FNTA: variants seen among roughly 807,000 people sequenced by gnomAD.
The protein encoded by FNTA is farnesyltransferase, CAAX box, subunit alpha.
In FNTA, 27 loss-of-function variants were observed where a neutral mutation model predicts 55.2. The observed-to-expected ratio is 0.49, with a 90% CI of 0.36 to 0.67. The LOEUF (loss-of-function observed/expected upper bound fraction) is 0.67. Ranked by LOEUF, FNTA falls within the 30% of genes least tolerant of loss-of-function variation. The pLI is 0.00. For synonymous variants in FNTA, 176 were observed against 170.7 expected (o/e 1.03, Z -0.24); for missense variants, 422 against 464.7 (o/e 0.91, Z 0.85).
At chr8:43,068,674 G>T (rs1452781231) in intron 3 of FNTA, among the ~76,000 whole-genome samples, 4 of 152,130 alleles carry the variant, frequency 2.6e-5, no homozygotes, top group African/African-American at 7.2e-5. Flanking sequence ...TTAAGAATCA[G>T]AAATTTACTT....
At chr8:43,073,033 G>C (rs1264448090) in intron 5 of FNTA, among the ~76,000 whole-genome samples, 2 of 152,038 alleles carry the variant, frequency 1.3e-5, no homozygotes, top group African/African-American at 4.8e-5. Context: ...TAGAATAGTT[G>C]TAACTCCCAC....
intron 5 of FNTA, among the ~76,000 whole-genome samples, chr8:43,075,501 T>G (rs1459224492): frequency 6.6e-6 from 1 of 152,108 alleles, no homozygotes; most frequent in African/African-American, 2.4e-5. Flanking sequence ...TTTTTTTTAT[T>G]AAGAGAGCTT....
chr8:43,081,484 G>T (rs1374679133), intron 6 of FNTA: 1 of 152,182 alleles, frequency 6.6e-6, no homozygotes, highest in Non-Finnish European at 1.5e-5. Context: ...AGGTAATTCT[G>T]TAATTTGCCC....
At position 43,056,372 on chromosome 8, in the gene FNTA, A is replaced by G. The variant is rs1412028724; in HGVS notation, c.26A>G (p.Glu9Gly). The G allele has an allele frequency of 6.9e-6, 10 of 1,459,634 alleles. No individual in the cohort carries two copies. In the African/African-American group the frequency reaches 1.5e-4, roughly 22 times the overall value. 90.4% of individuals were successfully genotyped at this position (1,459,634 alleles called of 1,614,324 possible). A position where few individuals can be genotyped will look rare whatever the true frequency, so the allele number is the denominator to read the frequency against. MAATEGVG[E>G]AAQGGEPGQP... is the part of the protein sequence containing the mutation. The stretch of plus-strand genomic sequence containing the variant: ...ATGGCGGCCACCGAGGGGGTCGGGG[A>G]GGCTGCGCAAGGGGGCGAGCCCGGG... The change falls in exon 1 of 9, where the codon GAG (glutamate) becomes GGG (glycine). Residue 9 changes from glutamate to glycine, a missense_variant. Glu to Gly is a moderately conservative substitution (Grantham distance 98). This residue lies in a region of FNTA where 160 missense variants were observed against 121.6 expected (regional missense o/e 1.32). Transcript: ENST00000302279.
intron 3 of FNTA, among the ~76,000 whole-genome samples, chr8:43,065,384 A>G (rs1327088387): frequency 6.6e-6 from 1 of 152,024 alleles, no homozygotes; most frequent in Non-Finnish European, 1.5e-5. Context: ...GGTAGCTGGG[A>G]TTACAGGTGT....
At chr8:43,061,199 ACTTAT>A in intron 2 of FNTA, among the ~76,000 whole-genome samples, 1 of 152,344 alleles carries the variant, frequency 6.6e-6, no homozygotes. Flanking sequence ...TGGAAAATGC[ACTTAT>A]CTTACAACCT....
chr8:43,058,539 AGGCG>A lies in FNTA; in HGVS notation c.201-547_201-544del, dbSNP rs757255943. Among the ~76,000 whole-genome samples the A allele has an allele frequency of 2.6e-5, 4 of 152,272 alleles. No individual in the cohort carries two copies. In the South Asian group the frequency reaches 8.3e-4, roughly 32 times the overall value. ...GTAATGCCAGCACTTTGGGAGGCCG[AGGCG>A]GGCGGATCACCAGGTCAAGAGATTG... On this transcript the variant is annotated intron_variant, in intron 1 of 8. Transcript: ENST00000302279.
rs187422693 is a variant in FNTA, at chr8:43,085,704, C to T, written c.*422C>T. The T allele has an allele frequency of 3.5e-4, 60 of 169,342 alleles. No individual in the cohort carries two copies. Among genetic ancestry groups the T allele is most frequent in the Middle Eastern group, 2.6e-3 (1 of 390 alleles). 10.5% of individuals were successfully genotyped at this position (169,342 alleles called of 1,614,324 possible). On this transcript the variant is annotated 3_prime_UTR_variant, in exon 9 of 9. Coordinates refer to ENST00000302279, the MANE Select transcript of FNTA (RefSeq NM_002027.3). ...GTCGTTCCATCAGAGCTGGTCTGCA[C>T]ACTCACATTATCTTGCTATCACTGT...
At chr8:43,076,951 A>C (rs187977517) in intron 5 of FNTA, 2 of 299,192 alleles carry the variant, frequency 6.7e-6, no homozygotes, top group African/African-American at 4.3e-5. Flanking sequence ...TCCTTCTCTT[A>C]CTAGTGAGTT....
chr8:43,069,907 G>A (rs1168368778), intron 4 of FNTA, among the ~76,000 whole-genome samples: 1 of 151,890 alleles, frequency 6.6e-6, no homozygotes, highest in African/African-American at 2.4e-5. Context: ...GCCTCCCAAA[G>A]TGCAGGGATT....
intron 5 of FNTA, 72 bp downstream of exon 5, chr8:43,072,379 C>T: frequency 8.3e-7 from 1 of 1,208,136 alleles, no homozygotes; most frequent in Non-Finnish European, 1.1e-6. Flanking sequence ...CTCTTAAAGT[C>T]TGTTTCTAAA....
At position 43,085,378 on chromosome 8, in the gene FNTA, G is replaced by A. The variant is rs1811107067; in HGVS notation, c.*96G>A. 4 of 1,173,066 alleles carry A rather than the reference G, an allele frequency of 3.4e-6. No homozygotes were observed. In the East Asian group the frequency reaches 7.4e-5, roughly 22 times the overall value. The allele number at this position is 1,173,066 out of a possible 1,614,324, so 72.7% of individuals were successfully genotyped here. A position where few individuals can be genotyped will look rare whatever the true frequency, so the allele number is the denominator to read the frequency against. ...AGTGGTCCTTCCCTTTGCCTGTGGTGTAAAAGTGCATCACACAGGTATTGC... is the reference window on the plus strand; with the variant it reads ...AGTGGTCCTTCCCTTTGCCTGTGGTATAAAAGTGCATCACACAGGTATTGC... On this transcript the variant is annotated 3_prime_UTR_variant, in exon 9 of 9. Coordinates refer to ENST00000302279, the MANE Select transcript of FNTA (RefSeq NM_002027.3).
chr8:43,061,397 C>T (rs145181383), intron 2 of FNTA, among the ~76,000 whole-genome samples: 1 of 152,268 alleles, frequency 6.6e-6, no homozygotes, highest in East Asian at 1.9e-4. Flanking sequence ...TCTGTTTCCA[C>T]CTGTGTAAAA....
intron 4 of FNTA, chr8:43,070,404 T>G (rs1810760630): frequency 6.6e-6 from 1 of 152,222 alleles, no homozygotes; most frequent in Admixed American, 6.5e-5. Flanking sequence ...GAAATTACAT[T>G]ATAAAATAAT....
At position 43,084,704 on chromosome 8, in the gene FNTA, T is replaced by C. The variant is rs1365234522; in HGVS notation, c.846-6T>C. Reference sequence around the variant, plus strand: ...TCAAGTCTTTGTTTTTTGTTGTTGTTTACAGGATTTTGCAGGATCGTGGTC... The same window carrying C: ...TCAAGTCTTTGTTTTTTGTTGTTGTCTACAGGATTTTGCAGGATCGTGGTC... On this transcript the variant is annotated splice_region_variant and splice_polypyrimidine_tract_variant and intron_variant, in intron 7 of 8. Coordinates refer to ENST00000302279, the MANE Select transcript of FNTA (RefSeq NM_002027.3). 1 of 1,584,400 alleles carries C rather than the reference T, an allele frequency of 6.3e-7. No individual in the cohort carries two copies. The highest frequency in any genetic ancestry group is 1.2e-5 in the South Asian group (1 of 86,918).
At chr8:43,063,202 TC>T in intron 2 of FNTA, 1 of 452,234 alleles carries the variant, frequency 2.2e-6, no homozygotes, top group South Asian at 1.6e-5. Context: ...TACCTCTGCC[TC>T]CCGAGTAGCT....
At chr8:43,072,149 CAAAA>C (rs1052032001) in intron 4 of FNTA, 28 bp from the exon 5 acceptor site, 10 of 1,423,968 alleles carry the variant, frequency 7.0e-6, no homozygotes, top group Non-Finnish European at 9.3e-6. Flanking sequence ...GGTAAATTAA[CAAAA>C]AACTTCTCTC....
At chr8:43,079,965 G>A (rs1810991203) in intron 6 of FNTA, 1 of 152,470 alleles carries the variant, frequency 6.6e-6, no homozygotes. Flanking sequence ...AATTAGAAGT[G>A]GAGCCTGAAG....
At chr8:43,070,350 T>TTTACCATTGTAGCCTGTTGA (rs1810759546) in intron 4 of FNTA, 1 of 151,986 alleles carries the variant, frequency 6.6e-6, no homozygotes, top group African/African-American at 2.4e-5. Flanking sequence ...AACTAAAAAC[T>TTTACCATTGTAGCCTGTTGA]TTACCATTGT....
Sources: allele counts gnomAD v4.1 joint callset (sites outside exome capture counted in the v4.1 genomes callset), GRCh38; gene constraint gnomAD v4.1.1; regional missense constraint gnomAD v4.1.1; transcripts MANE v1.5; gene names NCBI Gene and HGNC (gene_info 2026-07-23, HGNC 2026-07-21).